SCLT1: variants seen among roughly 807,000 people sequenced by gnomAD.
The protein encoded by SCLT1 is sodium channel and clathrin linker 1.
SCLT1 carries 78 observed loss-of-function variants against 112.8 expected under a neutral mutation model. The observed-to-expected ratio is 0.69, with a 90% CI of 0.58 to 0.83. The LOEUF (loss-of-function observed/expected upper bound fraction) is 0.83. SCLT1 is among the 40% of genes least tolerant of loss of function. SCLT1 has a pLI of 0.00. For synonymous variants in SCLT1, 257 were observed against 254.7 expected (o/e 1.01, Z -0.09); for missense variants, 747 against 770.4 (o/e 0.97, Z 0.36).
At chr4:129,014,011 ATTCTT>A (rs1287069465) in intron 5 of SCLT1, among the ~76,000 whole-genome samples, 3 of 151,982 alleles carry the variant, frequency 2.0e-5, no homozygotes, top group African/African-American at 7.2e-5. Context: ...ACTCCTTTTC[ATTCTT>A]TTATTTCTAT....
chr4:128,895,533 T>G (rs1733673576), intron 18 of SCLT1, among the ~76,000 whole-genome samples: 1 of 152,150 alleles, frequency 6.6e-6, no homozygotes, highest in Non-Finnish European at 1.5e-5. Context: ...TGCCCATTCT[T>G]TAAGACTGCA....
At chr4:128,971,668 A>G (rs530746291) in intron 9 of SCLT1, 1 of 152,172 alleles carries the variant, frequency 6.6e-6, no homozygotes, top group African/African-American at 2.4e-5. Context: ...GGTCCTAATA[A>G]TATTTTATAT....
intron 4 of SCLT1, chr4:128,875,004 GAAA>G (rs3069727): frequency 2.3e-5 from 3 of 132,206 alleles, no homozygotes; most frequent in African/African-American, 5.2e-5. Flanking sequence ...AGCTAAAATT[GAAA>G]AAAAAAAAAA....
chr4:129,000,215 G>A (rs1743357315), intron 6 of SCLT1, among the ~76,000 whole-genome samples: 1 of 151,780 alleles, frequency 6.6e-6, no homozygotes, highest in Admixed American at 6.6e-5. Context: ...GAGAAAAACA[G>A]GAGAAAATCA....
In SCLT1 at chr4:128,930,449, C is replaced by G. The variant is rs61626076; in HGVS notation, c.1829+6206G>C. Among the ~76,000 whole-genome samples, 50 of 152,186 alleles carry G rather than the reference C, an allele frequency of 3.3e-4. No homozygotes were observed. The East Asian group carries it at 8.7e-3, about 26-fold the overall frequency. The stretch of plus-strand genomic sequence containing the variant: ...CACTTCCAATTATTTCATGAGTAAA[C>G]GCTTGACTCATTAAATTATAAAATA... On this transcript the variant is annotated intron_variant, in intron 18 of 20. Coordinates refer to ENST00000281142, the MANE Select transcript of SCLT1 (RefSeq NM_144643.4).
At position 128,954,816 on chromosome 4, in the gene SCLT1, T is replaced by C. The variant is rs560391420; in HGVS notation, c.1147-1976A>G. Among the ~76,000 whole-genome samples, 15 of 152,316 alleles carry C rather than the reference T, an allele frequency of 9.8e-5. 1 individual carries two copies. In the South Asian group the frequency reaches 3.1e-3, roughly 32 times the overall value. On this transcript the variant is annotated intron_variant, in intron 13 of 20. Coordinates refer to ENST00000281142, the MANE Select transcript of SCLT1 (RefSeq NM_144643.4). ...TCCAATGAGGTTGTTATTATTTCCA[T>C]TATAGATGAGGAAGACTGAGGCAGA...
chr4:129,089,052 C>T (rs1752624589), intron 1 of SCLT1, among the ~76,000 whole-genome samples: 1 of 152,156 alleles, frequency 6.6e-6, no homozygotes, highest in Non-Finnish European at 1.5e-5. Flanking sequence ...AAACCATCAT[C>T]AGAATGAACA....
At position 128,884,301 on chromosome 4, in the gene SCLT1, C is replaced by A; in HGVS notation, c.*176G>T. On this transcript the variant is annotated 3_prime_UTR_variant, in exon 21 of 21. Coordinates refer to ENST00000281142, the MANE Select transcript of SCLT1 (RefSeq NM_144643.4). Reference sequence around the variant, plus strand: ...TCAATATAGGATTATATTTTCTTTACTTACAGGAAGTGGTCACTGCTCTGT... The same window carrying A: ...TCAATATAGGATTATATTTTCTTTAATTACAGGAAGTGGTCACTGCTCTGT... 1 of 490,988 alleles carries A rather than the reference C, an allele frequency of 2.0e-6. No individual in the cohort carries two copies. Among genetic ancestry groups the A allele is most frequent in the Admixed American group, 3.7e-5 (1 of 27,318 alleles). The allele number at this position is 490,988 out of a possible 1,614,324, so 30.4% of individuals were successfully genotyped here.
Position 128,948,549 on chromosome 4 carries a change from G to T in SCLT1, c.1240C>A (p.Gln414Lys). ...TTTTCCTTAATGACTCGTTCAATTT[G>T]GCCTTGTTTTTCAGCACACTCCTAT... ...LQMECAEKQGQIERVIKEKKA... is the reference protein window; with the variant it reads ...LQMECAEKQGKIERVIKEKKA... The change falls in exon 15 of 21, where the codon CAA becomes AAA. Residue 414 changes from glutamine to lysine, a missense_variant. Transcript: ENST00000281142. The T allele has an allele frequency of 6.2e-7, 1 of 1,605,534 alleles. No homozygotes were observed. The highest frequency in any genetic ancestry group is 8.5e-7 in the Non-Finnish European group (1 of 1,174,264).
chr4:129,055,818 T>TAA lies in SCLT1; in HGVS notation c.103-11769_103-11768dup, dbSNP rs56689003. Among the ~76,000 whole-genome samples the TAA allele has an allele frequency of 5.4e-3, 722 of 132,482 alleles. 10 individuals carry two copies. The highest frequency in any genetic ancestry group is 0.018 in the African/African-American group (656 of 36,804). 86.9% of individuals were successfully genotyped at this position (132,482 alleles called of 152,430 possible). A position where few individuals can be genotyped will look rare whatever the true frequency, so the allele number is the denominator to read the frequency against. ...GCTGGGGTTCCAGGCGCCACTGGCA[T>TAA]AAAAAAAAAAAAACAAAAACAAACA... On this transcript the variant is annotated intron_variant, in intron 2 of 20. Coordinates refer to ENST00000281142, the MANE Select transcript of SCLT1 (RefSeq NM_144643.4).
intron 18 of SCLT1, among the ~76,000 whole-genome samples, chr4:128,908,780 GAGTT>G (rs771301098): frequency 9.2e-5 from 14 of 152,140 alleles, no homozygotes; most frequent in Non-Finnish European, 1.8e-4. Flanking sequence ...TTTCAAAACT[GAGTT>G]AGTTAAGTGC....
At chr4:129,031,568 G>A (rs77407119) in intron 5 of SCLT1, among the ~76,000 whole-genome samples, 2 of 152,030 alleles carry the variant, frequency 1.3e-5, no homozygotes, top group East Asian at 1.9e-4. Context: ...AAACCCCATC[G>A]TATCAGCCCA....
intron 5 of SCLT1, among the ~76,000 whole-genome samples, chr4:129,019,342 T>C (rs1745250018): frequency 6.6e-6 from 1 of 152,212 alleles, no homozygotes; most frequent in Non-Finnish European, 1.5e-5. Context: ...TTTCTTTGAA[T>C]TGAATTTGTC....
At chr4:128,891,435 T>C (rs1196372945) in intron 18 of SCLT1, among the ~76,000 whole-genome samples, 1 of 152,112 alleles carries the variant, frequency 6.6e-6, no homozygotes, top group Non-Finnish European at 1.5e-5. Context: ...TAAAAAATTT[T>C]ATCACAATTA....
intron 5 of SCLT1, chr4:129,037,284 C>T (rs754850737): frequency 1.3e-5 from 2 of 152,200 alleles, no homozygotes; most frequent in Non-Finnish European, 2.9e-5. Flanking sequence ...TTCCCTTCCA[C>T]ATTCTGGCCT....
intron 1 of SCLT1, among the ~76,000 whole-genome samples, chr4:129,085,992 A>G (rs750558110): frequency 1.8e-4 from 28 of 152,244 alleles, no homozygotes; most frequent in Non-Finnish European, 3.5e-4. Context: ...CTGCACATGT[A>G]CCCCTGAACT....
intron 15 of SCLT1, 81 bp from the exon 16 acceptor site, chr4:128,946,233 A>G (rs1738152095): frequency 1.2e-6 from 1 of 842,546 alleles, no homozygotes; most frequent in Non-Finnish European, 1.8e-6. Context: ...AATCAATGGA[A>G]GAAATAAAAA....
At chr4:129,039,919 C>A in intron 4 of SCLT1, 1 of 452,798 alleles carries the variant, frequency 2.2e-6, no homozygotes, top group Admixed American at 3.3e-5. Flanking sequence ...CACACACACA[C>A]ACACACACAC....
At chr4:128,897,556 CGCTGCAAAA>C (rs1733881020) in intron 18 of SCLT1, among the ~76,000 whole-genome samples, 1 of 149,424 alleles carries the variant, frequency 6.7e-6, no homozygotes, top group East Asian at 2.0e-4. Flanking sequence ...CGGTACCAGC[CGCTGCAAAA>C]ACATGCCAAA....
Sources: allele counts gnomAD v4.1 joint callset (sites outside exome capture counted in the v4.1 genomes callset), GRCh38; gene constraint gnomAD v4.1.1; transcripts MANE v1.5; gene names NCBI Gene and HGNC (gene_info 2026-07-23, HGNC 2026-07-21).